STARD13: variants seen among roughly 807,000 people sequenced by gnomAD.
The protein encoded by STARD13 is StAR related lipid transfer domain containing 13.
STARD13 carries 62 observed loss-of-function variants against 106.4 expected under a neutral mutation model. That is an observed-to-expected ratio of 0.58 (90% confidence interval 0.48 to 0.72). STARD13 has a LOEUF of 0.72. Ranked by LOEUF, STARD13 falls within the 30% of genes least tolerant of loss-of-function variation. STARD13 has a pLI of 0.00. For missense variants in STARD13, 1,387 were observed against 1,424.0 expected (o/e 0.97, Z 0.42); for synonymous variants, 565 against 553.0 (o/e 1.02, Z -0.31).
At chr13:33,237,729 A>T (rs1306569546) in intron 1 of STARD13, among the ~76,000 whole-genome samples, 1 of 152,236 alleles carries the variant, frequency 6.6e-6, no homozygotes, top group Non-Finnish European at 1.5e-5. Context: ...AAAGCTTGGC[A>T]CAATCTCTAC....
intron 4 of STARD13, among the ~76,000 whole-genome samples, chr13:33,136,133 T>TTA (rs1264553797): frequency 4.9e-5 from 7 of 141,938 alleles, no homozygotes; most frequent in African/African-American, 1.8e-4. Flanking sequence ...AAAAAAAAAA[T>TTA]TATATATATC....
chr13:33,163,757 T>A (rs1226734201), intron 3 of STARD13, among the ~76,000 whole-genome samples: 1 of 124,328 alleles, frequency 8.0e-6, no homozygotes, highest in Non-Finnish European at 1.8e-5. Flanking sequence ...CATATATATA[T>A]AACATATATA....
At chr13:33,672,278 C>T in the STARD13 span, among the ~76,000 whole-genome samples, 2 of 152,168 alleles carry the variant, frequency 1.3e-5, no homozygotes, top group African/African-American at 4.8e-5. Flanking sequence ...GAAAACCAAA[C>T]ACCACATGTT....
At chr13:33,567,577 G>A in the STARD13 span, among the ~76,000 whole-genome samples, 3 of 147,984 alleles carry the variant, frequency 2.0e-5, no homozygotes. Flanking sequence ...AGTTTTCCAT[G>A]AATCAAACCC....
the STARD13 span, among the ~76,000 whole-genome samples, chr13:33,655,824 G>A: frequency 6.6e-6 from 1 of 152,188 alleles, no homozygotes; most frequent in Admixed American, 6.5e-5. Flanking sequence ...TCTGGAATTG[G>A]TTCCCAGAAC....
At chr13:33,169,216 G>C (rs1883671919) in intron 1 of STARD13, among the ~76,000 whole-genome samples, 1 of 152,316 alleles carries the variant, frequency 6.6e-6, no homozygotes, top group East Asian at 1.9e-4. Context: ...CACAACTGCT[G>C]TTCAAAACAC....
the STARD13 span, among the ~76,000 whole-genome samples, chr13:33,639,914 C>G: frequency 6.6e-6 from 1 of 152,160 alleles, no homozygotes; most frequent in Admixed American, 6.5e-5. Context: ...ATGAATCATT[C>G]TTTGCCCAAT....
In STARD13 at chr13:33,226,557, C is replaced by T. The variant is rs1214797095; in HGVS notation, c.169+58913G>A. ...TCAAGTGATTCTGCTGCCTTGGCCT[C>T]CTGAGTAGCTGGGATTATAGTCATG... On this transcript the variant is annotated intron_variant, in intron 1 of 13. Coordinates refer to ENST00000336934, the MANE Select transcript of STARD13 (RefSeq NM_178006.4). 2.0e-5 allele frequency among the ~76,000 whole-genome samples: 3 copies of T among 151,650 alleles called. No individual in the cohort carries two copies. In the East Asian group the frequency reaches 5.8e-4, roughly 29 times the overall value.
chr13:33,442,986 A>G, the STARD13 span, among the ~76,000 whole-genome samples: 2 of 152,128 alleles, frequency 1.3e-5, no homozygotes, highest in Non-Finnish European at 2.9e-5. Flanking sequence ...ATTGGTACAG[A>G]GTTCAGTTTT....
intron 1 of STARD13, among the ~76,000 whole-genome samples, chr13:33,197,912 T>A (rs1886749836): frequency 6.6e-6 from 1 of 152,200 alleles, no homozygotes; most frequent in Admixed American, 6.5e-5. Flanking sequence ...GGCTCACGCC[T>A]GCAATCCCAG....
intron 1 of STARD13, chr13:33,277,381 T>TAGTAATTAGTAA (rs1295616953): frequency 6.6e-6 from 1 of 152,112 alleles, no homozygotes; most frequent in African/African-American, 2.4e-5. Flanking sequence ...GCAAGCAGAT[T>TAGTAATTAGTAA]TTACTAATTA....
the STARD13 span, among the ~76,000 whole-genome samples, chr13:33,540,636 G>T: frequency 6.6e-6 from 1 of 152,074 alleles, no homozygotes; most frequent in Non-Finnish European, 1.5e-5. Flanking sequence ...TATAAAGGGG[G>T]TTCCTATACA....
chr13:33,211,829 G>T (rs940851350), intron 1 of STARD13, among the ~76,000 whole-genome samples: 2 of 64,864 alleles, frequency 3.1e-5, no homozygotes, highest in Non-Finnish European at 6.5e-5. Flanking sequence ...GTGTGTGTAT[G>T]TGTGTGTGTG....
chr13:33,158,411 G>A (rs1593996330), intron 3 of STARD13, among the ~76,000 whole-genome samples: 1 of 152,232 alleles, frequency 6.6e-6, no homozygotes. Flanking sequence ...TACCAAAGGT[G>A]AGTGGAATTC....
intron 1 of STARD13, among the ~76,000 whole-genome samples, chr13:33,220,035 C>CT (rs1446478684): frequency 1.3e-5 from 2 of 152,106 alleles, no homozygotes; most frequent in East Asian, 3.9e-4. Flanking sequence ...CACTTTTTGG[C>CT]TTTAATGCCT....
chr13:33,554,914 A>T, the STARD13 span, among the ~76,000 whole-genome samples: 3 of 152,174 alleles, frequency 2.0e-5, no homozygotes, highest in Non-Finnish European at 4.4e-5. Flanking sequence ...TTAAGCATGC[A>T]AACTTTGAAA....
the STARD13 span, among the ~76,000 whole-genome samples, chr13:33,539,110 A>G: frequency 6.6e-6 from 1 of 152,218 alleles, no homozygotes; most frequent in African/African-American, 2.4e-5. Flanking sequence ...TATGCATAAG[A>G]AAATTCTAGA....
chr13:33,293,374 T>C (rs1192494001), intron 1 of STARD13, among the ~76,000 whole-genome samples: 4 of 152,220 alleles, frequency 2.6e-5, no homozygotes, highest in South Asian at 2.1e-4. Flanking sequence ...TAAATGATTA[T>C]ATGAATTTCC....
intron 1 of STARD13, among the ~76,000 whole-genome samples, chr13:33,241,310 A>G (rs924167205): frequency 6.6e-5 from 10 of 152,192 alleles, no homozygotes; most frequent in Admixed American, 3.9e-4. Context: ...AACCTAGTGA[A>G]TGTTTAAAAT....
Sources: allele counts gnomAD v4.1 joint callset (sites outside exome capture counted in the v4.1 genomes callset), GRCh38; gene constraint gnomAD v4.1.1; transcripts MANE v1.5; gene names NCBI Gene and HGNC (gene_info 2026-07-23, HGNC 2026-07-21).